The following GABRG1 variants were observed in gnomAD, a reference collection of about 807,000 sequenced individuals.
The protein encoded by GABRG1 is gamma-aminobutyric acid receptor subunit gamma-1.
In GABRG1, 49 loss-of-function variants were observed where a neutral mutation model predicts 49.8. That is an observed-to-expected ratio of 0.98 (90% confidence interval 0.78 to 1.25). The LOEUF (loss-of-function observed/expected upper bound fraction) is 1.25. Among genes scored for constraint, GABRG1 ranks in the 50% most tolerant of loss-of-function variants. GABRG1 has a pLI of 0.00. For missense variants in GABRG1, 552 were observed against 552.3 expected (o/e 1.00, Z 0.01); for synonymous variants, 232 against 185.1 (o/e 1.25, Z -2.06).
intron 1 of GABRG1, among the ~76,000 whole-genome samples, chr4:46,114,190 A>G (rs919573291): frequency 2.0e-5 from 3 of 151,122 alleles, no homozygotes; most frequent in South Asian, 2.1e-4. Flanking sequence ...AGAGTGATAA[A>G]TAACAGCATT....
At chr4:46,043,070 G>A (rs1717845099) in intron 8 of GABRG1, among the ~76,000 whole-genome samples, 1 of 151,890 alleles carries the variant, frequency 6.6e-6, no homozygotes, top group Non-Finnish European at 1.5e-5. Flanking sequence ...AATAGCATAT[G>A]CTCTTATGCT....
chr4:46,109,895 A>C (rs1001031028), intron 1 of GABRG1, among the ~76,000 whole-genome samples: 1 of 150,686 alleles, frequency 6.6e-6, no homozygotes, highest in Admixed American at 6.6e-5. Context: ...TATGATTTTG[A>C]CCTTTTTGAA....
chr4:46,059,109 T>C (rs1560352878), intron 5 of GABRG1, among the ~76,000 whole-genome samples: 1 of 152,154 alleles, frequency 6.6e-6, no homozygotes. Context: ...TTTTAATATA[T>C]TGTGATAGTC....
intron 1 of GABRG1, among the ~76,000 whole-genome samples, chr4:46,105,301 G>T (rs1720496934): frequency 6.6e-6 from 1 of 151,346 alleles, no homozygotes; most frequent in Non-Finnish European, 1.5e-5. Context: ...AAGAAAAAAA[G>T]AAAACGAAAA....
rs7683859 is a variant in GABRG1 at position 46,040,029 on chromosome 4, G to A, written c.*959C>T. 4.0e-5 allele frequency: 6 copies of A among 151,184 alleles called. No homozygotes were observed. The highest frequency in any genetic ancestry group is 7.4e-5 in the Non-Finnish European group (5 of 67,616). The allele number at this position is 151,184 out of a possible 1,614,324, so 9.4% of individuals were successfully genotyped here. On this transcript the variant is annotated 3_prime_UTR_variant, in exon 9 of 9. Coordinates refer to ENST00000295452, the MANE Select transcript of GABRG1 (RefSeq NM_173536.4). ...TTAAGATTTTGTCCTCAATATGACCGGCAACTCAGTTTGCCAGGTAATAAT... is the reference window on the plus strand; with the variant it reads ...TTAAGATTTTGTCCTCAATATGACCAGCAACTCAGTTTGCCAGGTAATAAT...
At chr4:46,058,808 A>G (rs1340769785) in intron 5 of GABRG1, among the ~76,000 whole-genome samples, 186 bp from the exon 6 acceptor site, 1 of 152,116 alleles carries the variant, frequency 6.6e-6, no homozygotes, top group Non-Finnish European at 1.5e-5. Flanking sequence ...ACATGGATCA[A>G]ATAATGATAA....
At chr4:46,051,123 CA>C (rs559664254) in intron 8 of GABRG1, among the ~76,000 whole-genome samples, 1 of 151,664 alleles carries the variant, frequency 6.6e-6, no homozygotes, top group Non-Finnish European at 1.5e-5. Flanking sequence ...AATCCTAACA[CA>C]AAAAATCGGA....
Position 46,123,836 on chromosome 4 carries a change from CAAG to C in GABRG1, c.75_77del (p.Phe25del). 3 of 1,613,658 alleles carry C rather than the reference CAAG, an allele frequency of 1.9e-6. No homozygotes were observed. The highest frequency in any genetic ancestry group is 2.2e-5 in the East Asian group (1 of 44,858). On this transcript the variant is annotated inframe_deletion, in exon 1 of 9. Transcript: ENST00000295452. Reference sequence around the variant, plus strand: ...AGTTTCCCAAATGCAGGGTCAGTAACAAGAAGACCAACCTCACCCCTCTACTTT... The same window carrying C: ...AGTTTCCCAAATGCAGGGTCAGTAACAAGACCAACCTCACCCCTCTACTTT...
At chr4:46,111,530 G>T (rs1052991383) in intron 1 of GABRG1, among the ~76,000 whole-genome samples, 6 of 151,144 alleles carry the variant, frequency 4.0e-5, no homozygotes, top group African/African-American at 1.5e-4. Flanking sequence ...AGCCCAAATA[G>T]CCAAAGCAAC....
intron 3 of GABRG1, among the ~76,000 whole-genome samples, chr4:46,067,276 TTTGATGAACAG>T (rs1205144131): frequency 6.6e-6 from 1 of 152,130 alleles, no homozygotes; most frequent in African/African-American, 2.4e-5. Flanking sequence ...TTTATCTATT[TTTGATGAACAG>T]TGTTACAATT....
intron 2 of GABRG1, among the ~76,000 whole-genome samples, chr4:46,085,326 A>G (rs1467667486): frequency 6.6e-6 from 1 of 151,588 alleles, no homozygotes; most frequent in Non-Finnish European, 1.5e-5. Context: ...ACATTAGAAA[A>G]ATAACTCTGG....
At chr4:46,065,771 G>C (rs534748604) in intron 3 of GABRG1, among the ~76,000 whole-genome samples, 187 bp from the exon 4 acceptor site, 1 of 151,918 alleles carries the variant, frequency 6.6e-6, no homozygotes, top group Non-Finnish European at 1.5e-5. Flanking sequence ...CTCCCAGGCC[G>C]GAGTGCAGTG....
intron 5 of GABRG1, among the ~76,000 whole-genome samples, chr4:46,059,214 G>T (rs1420280885): frequency 1.3e-5 from 2 of 151,946 alleles, no homozygotes; most frequent in African/African-American, 4.8e-5. Flanking sequence ...TTTTCTGTTG[G>T]CTATAACCAA....
chr4:46,062,898 T>G lies in GABRG1; in HGVS notation c.625+1543A>C, dbSNP rs570466809. 3.2e-3 allele frequency among the ~76,000 whole-genome samples: 488 copies of G among 152,082 alleles called. 2 individuals carry two copies. The highest frequency in any genetic ancestry group is 0.011 in the African/African-American group (473 of 41,452). The stretch of plus-strand genomic sequence containing the variant: ...AACAGACAAACAGAGAGCCAAATCA[T>G]GAGTGAACTCCCATTCACAATTGCT... On this transcript the variant is annotated intron_variant, in intron 5 of 8. Transcript: ENST00000295452.
chr4:46,111,399 T>C (rs1261326087), intron 1 of GABRG1, among the ~76,000 whole-genome samples: 1 of 151,148 alleles, frequency 6.6e-6, no homozygotes, highest in Admixed American at 6.6e-5. Flanking sequence ...AACAATATTA[T>C]TAAAAAGGCC....
chr4:46,124,052 C>A lies in GABRG1; in HGVS notation c.-139G>T. The A allele has an allele frequency of 1.6e-6, 1 of 635,062 alleles. No homozygotes were observed. Among genetic ancestry groups the A allele is most frequent in the South Asian group, 2.0e-5 (1 of 51,222 alleles). 39.3% of individuals were successfully genotyped at this position (635,062 alleles called of 1,614,324 possible). On this transcript the variant is annotated 5_prime_UTR_variant, in exon 1 of 9. Coordinates refer to ENST00000295452, the MANE Select transcript of GABRG1 (RefSeq NM_173536.4). ...CACCTCCCAAACAGGTAGGATGCGA[C>A]TCCCAGCAGAATTGAGCCAGGGAGC...
chr4:46,085,126 G>A (rs112510881), intron 2 of GABRG1, among the ~76,000 whole-genome samples: 9 of 151,258 alleles, frequency 6.0e-5, no homozygotes, highest in East Asian at 1.9e-4. Flanking sequence ...AGCAAACGCC[G>A]AGTGCCTACT....
rs1169065450 is a variant in GABRG1 at position 46,056,124 on chromosome 4, GAAAA to G, written c.916+2089_916+2092del. 3.9e-4 allele frequency among the ~76,000 whole-genome samples: 3 copies of G among 7,648 alleles called. 1 individual carries two copies. Among genetic ancestry groups the G allele is most frequent in the South Asian group, 3.9e-3 (1 of 258 alleles). The allele number at this position is 7,648 out of a possible 152,430, so 5.0% of individuals were successfully genotyped here. A position where few individuals can be genotyped will look rare whatever the true frequency, so the allele number is the denominator to read the frequency against. On this transcript the variant is annotated intron_variant, in intron 7 of 8. Coordinates refer to ENST00000295452, the MANE Select transcript of GABRG1 (RefSeq NM_173536.4). The stretch of plus-strand genomic sequence containing the variant: ...TATAATAAAAAAAAAAAAAAGAAAG[GAAAA>G]AAAAAAAAATAAATAAATAAATTAA...
intron 3 of GABRG1, 46 bp downstream of exon 3, chr4:46,083,940 C>A (rs147448869): frequency 1.1e-5 from 11 of 1,035,372 alleles, no homozygotes; most frequent in African/African-American, 1.6e-5. Flanking sequence ...GAGGTATACA[C>A]GAGAGATCTC....
Sources: gnomAD v4.1 joint callset for allele counts (sites outside exome capture counted in the v4.1 genomes callset) on GRCh38, gnomAD v4.1.1 for gene constraint, MANE v1.5 for transcripts, NCBI Gene and HGNC (gene_info 2026-07-23, HGNC 2026-07-21) for gene names.